The following ELN variants were observed in gnomAD, a reference collection of about 807,000 sequenced individuals.
The protein encoded by ELN is tropoelastin.
In ELN, 65 loss-of-function variants were observed where a neutral mutation model predicts 105.8. The ratio of observed to expected loss-of-function variants is 0.61; its 90% CI spans 0.50 to 0.75. ELN has a LOEUF of 0.75. Among genes scored for constraint, ELN ranks in the 30% least tolerant of loss-of-function variants. ELN has a pLI of 0.00. For synonymous variants in ELN, 368 were observed against 389.2 expected (o/e 0.95, Z 0.64); for missense variants, 882 against 969.4 (o/e 0.91, Z 1.20).
intron 31 of ELN, among the ~76,000 whole-genome samples, chr7:74,066,304 C>T (rs559342845): frequency 1.3e-5 from 2 of 152,292 alleles, no homozygotes; most frequent in Admixed American, 6.5e-5. Context: ...TGGTGGCTCA[C>T]GCCTGTAATC....
chr7:74,028,559 G>A (rs1162247612), intron 1 of ELN, among the ~76,000 whole-genome samples: 5 of 152,162 alleles, frequency 3.3e-5, no homozygotes, highest in African/African-American at 7.2e-5. Flanking sequence ...CCGGGTGCCC[G>A]CCCTGTAGGG....
Position 74,053,210 on chromosome 7 carries a change from G to A in ELN, c.997G>A (p.Val333Ile). Residue 333 changes from valine to isoleucine, a missense_variant, in exon 18 of 33, where the codon GTA becomes ATA. Physicochemically the swap from Val to Ile is conservative, Grantham distance 29 (BLOSUM62 3). Coordinates refer to ENST00000252034, the MANE Select transcript of ELN (RefSeq NM_000501.4). ...TGGTGGGCCAGGCTTTGGCCCGGGA[G>A]TAGTTGGTGTCCCAGGAGCTGGCGT... is the stretch of plus-strand genomic sequence containing the variant. ...VPGGPGFGPG[V>I]VGVPGAGVPG... is the part of the protein sequence containing the mutation. The A allele has an allele frequency of 1.2e-6, 2 of 1,614,214 alleles. No homozygotes were observed. The highest frequency in any genetic ancestry group is 1.7e-6 in the Non-Finnish European group (2 of 1,180,032).
At chr7:74,044,591 G>A (rs1464801037) in intron 9 of ELN, among the ~76,000 whole-genome samples, 2 of 152,098 alleles carry the variant, frequency 1.3e-5, no homozygotes, top group African/African-American at 4.8e-5. Flanking sequence ...AGACCCTAAA[G>A]AGCTGCCCCT....
At chr7:74,039,566 C>T (rs578096668) in intron 4 of ELN, among the ~76,000 whole-genome samples, 7 of 152,328 alleles carry the variant, frequency 4.6e-5, no homozygotes, top group African/African-American at 1.4e-4. Context: ...TCCACGTGGG[C>T]GCCACCACAG....
intron 22 of ELN, among the ~76,000 whole-genome samples, chr7:74,059,100 A>T (rs1340666181): frequency 7.9e-5 from 12 of 151,804 alleles, no homozygotes; most frequent in African/African-American, 2.4e-4. Flanking sequence ...AAAAAAAAAA[A>T]TTGTATGCGA....
At position 74,058,692 on chromosome 7, in the gene ELN, G is replaced by A. The variant is rs368788998; in HGVS notation, c.1414+996G>A. 9.2e-5 allele frequency among the ~76,000 whole-genome samples: 14 copies of A among 152,168 alleles called. No individual in the cohort carries two copies. In the East Asian group the frequency reaches 2.7e-3, roughly 29 times the overall value. On this transcript the variant is annotated intron_variant, in intron 22 of 32. Coordinates refer to ENST00000252034, the MANE Select transcript of ELN (RefSeq NM_000501.4). ...TTGTTCCCCATCTCTTGCTACATTT[G>A]AGGGCCACCCTGGCAGCCCCAGGTG...
At chr7:74,065,088 C>T (rs528025752) in intron 29 of ELN, among the ~76,000 whole-genome samples, 3 of 151,830 alleles carry the variant, frequency 2.0e-5, no homozygotes, top group Non-Finnish European at 2.9e-5. Context: ...ACCACCTCTA[C>T]GAAATATTTA....
chr7:74,063,807 C>T lies in ELN; in HGVS notation c.1993+112C>T. 6.9e-7 allele frequency: 1 copy of T among 1,456,394 alleles called. No individual in the cohort carries two copies. The highest frequency in any genetic ancestry group is 9.6e-7 in the Non-Finnish European group (1 of 1,046,472). 90.2% of individuals were successfully genotyped at this position (1,456,394 alleles called of 1,614,324 possible). ...TTCCCACCCCTGGCACGTCTTTGCT[C>T]AAGATGTCCTCTTGGCCAGGTGCGG... On this transcript the variant is annotated intron_variant, in intron 29 of 32. Transcript: ENST00000252034. This position sits in a 1 kb window ranked among gnomAD's most constrained non-coding sequence, Gnocchi z 4.1.
chr7:74,061,037 G>A lies in ELN; in HGVS notation c.1748-64G>A, dbSNP rs543366162. ...AGTCAGGGAGGGCTCTCTAGAGGAG[G>A]CGGCAGAACTCCCAGGCACAGAGCT... On this transcript the variant is annotated intron_variant, in intron 25 of 32. Transcript: ENST00000252034. 23 of 1,599,500 alleles carry A rather than the reference G, an allele frequency of 1.4e-5. 1 individual carries two copies. The African/African-American group carries it at 1.5e-4, about 10-fold the overall frequency.
At chr7:74,048,890 T>C (rs1044792919) in intron 15 of ELN, among the ~76,000 whole-genome samples, 1 of 151,388 alleles carries the variant, frequency 6.6e-6, no homozygotes, top group African/African-American at 2.4e-5. Context: ...CATCCATCTC[T>C]CCCTCCATCC....
intron 5 of ELN, among the ~76,000 whole-genome samples, chr7:74,042,061 GAA>G (rs76164151): frequency 3.0e-5 from 4 of 135,352 alleles, no homozygotes; most frequent in African/African-American, 5.4e-5. Context: ...TCTCTAAAGG[GAA>G]AAAAAAAAAA....
intron 18 of ELN, 86 bp downstream of exon 18, chr7:74,053,395 T>G: frequency 4.5e-6 from 7 of 1,554,922 alleles, no homozygotes; most frequent in Non-Finnish European, 6.1e-6. Context: ...GCCAAAATTT[T>G]TGCATTCTCC....
rs191593990 is a variant in ELN at position 74,060,584 on chromosome 7, C to T, written c.1747+83C>T. 286 of 1,602,510 alleles carry T rather than the reference C, an allele frequency of 1.8e-4. No individual in the cohort carries two copies. The highest frequency in any genetic ancestry group is 9.6e-4 in the Admixed American group (55 of 57,012). On this transcript the variant is annotated intron_variant, in intron 25 of 32. Coordinates refer to ENST00000252034, the MANE Select transcript of ELN (RefSeq NM_000501.4). ...CCTCCTCTCAGCACCTCCCCAGCAC[C>T]CCCTCATCACCCAGGGGTGCATAGT...
At chr7:74,057,619 C>A (rs1795581877) in intron 21 of ELN, 21 bp from the exon 22 acceptor site, 1 of 1,613,768 alleles carries the variant, frequency 6.2e-7, no homozygotes, top group Admixed American at 1.7e-5. Flanking sequence ...ACTCTCTCAC[C>A]CCTTCTCTTC....
At chr7:74,042,467 T>G in intron 5 of ELN, 147 bp from the exon 6 acceptor site, 1 of 691,426 alleles carries the variant, frequency 1.4e-6, no homozygotes, top group Non-Finnish European at 2.5e-6. Flanking sequence ...AGTGCTCACA[T>G]GGATGTCCTG....
rs1307521268 is a variant in ELN at position 74,030,602 on chromosome 7, T to C, written c.82+2333T>C. On this transcript the variant is annotated intron_variant, in intron 1 of 32. Coordinates refer to ENST00000252034, the MANE Select transcript of ELN (RefSeq NM_000501.4). Reference sequence around the variant, plus strand: ...TAAATTGAGACAGGGTCTCGCTGTGTTGTCCAGGCTGGTCTGAATTCCTGG... The same window carrying C: ...TAAATTGAGACAGGGTCTCGCTGTGCTGTCCAGGCTGGTCTGAATTCCTGG... 2.6e-5 allele frequency among the ~76,000 whole-genome samples: 4 copies of C among 152,114 alleles called. No homozygotes were observed. In the East Asian group the frequency reaches 7.7e-4, roughly 29 times the overall value.
chr7:74,034,743 G>T (rs939679620), intron 1 of ELN, among the ~76,000 whole-genome samples: 7 of 151,752 alleles, frequency 4.6e-5, no homozygotes, highest in Non-Finnish European at 1.0e-4. Flanking sequence ...TCCAGGCCCC[G>T]TCTCTTTCCA....
At chr7:74,042,505 A>G in intron 5 of ELN, 109 bp from the exon 6 acceptor site, 4 of 877,906 alleles carry the variant, frequency 4.6e-6, no homozygotes, top group East Asian at 2.4e-5. Flanking sequence ...CAGAGAGCGG[A>G]AGAGCCTCCA....
chr7:74,066,810 T>G, intron 32 of ELN, 34 bp downstream of exon 32: 1 of 1,609,132 alleles, frequency 6.2e-7, no homozygotes, highest in Non-Finnish European at 8.5e-7. Flanking sequence ...GGCCCTGCCC[T>G]GGAGCTGCAG....
Sources: gnomAD v4.1 joint callset for allele counts (sites outside exome capture counted in the v4.1 genomes callset) on GRCh38, gnomAD v4.1.1 for gene constraint, Gnocchi (gnomAD v3.1) non-coding constraint, MANE v1.5 for transcripts, NCBI Gene and HGNC (gene_info 2026-07-23, HGNC 2026-07-21) for gene names.